RBFOX1: variants seen among roughly 807,000 people sequenced by gnomAD.
RBFOX1 encodes the protein RNA binding fox-1 homolog 1.
A neutral mutation model predicts 57.7 loss-of-function variants in RBFOX1; 8 were observed. That is an observed-to-expected ratio of 0.14 (90% CI 0.08 to 0.25). The LOEUF is 0.25. Ranked by LOEUF, RBFOX1 falls within the 10% of genes least tolerant of loss-of-function variation. The pLI is 1.00. For synonymous variants in RBFOX1, 326 were observed against 222.4 expected (o/e 1.47, Z -4.15); for missense variants, 611 against 548.5 (o/e 1.11, Z -1.14).
At chr16:6,595,383 T>A (rs181637228) in intron 2 of RBFOX1, among the ~76,000 whole-genome samples, 1 of 152,350 alleles carries the variant, frequency 6.6e-6, no homozygotes, top group Admixed American at 6.5e-5. Flanking sequence ...GTACCATGTG[T>A]CAATTTAATT....
intron 3 of RBFOX1, among the ~76,000 whole-genome samples, chr16:6,675,645 G>C (rs1038148706): frequency 6.6e-6 from 1 of 152,128 alleles, no homozygotes; most frequent in Non-Finnish European, 1.5e-5. Context: ...CATGTGACTG[G>C]GGATGCCTCA....
intron 4 of RBFOX1, among the ~76,000 whole-genome samples, chr16:7,357,863 G>A (rs1240634337): frequency 6.6e-6 from 1 of 152,194 alleles, no homozygotes; most frequent in African/African-American, 2.4e-5. Flanking sequence ...ATTCATGGAA[G>A]ATATTTCTTC....
At chr16:6,933,684 C>T (rs1488363369) in intron 3 of RBFOX1, among the ~76,000 whole-genome samples, 2 of 152,212 alleles carry the variant, frequency 1.3e-5, no homozygotes, top group Non-Finnish European at 1.5e-5. Context: ...CTGCACACTC[C>T]AGCCTGGGGG....
At chr16:6,964,280 A>C (rs2083627199) in intron 3 of RBFOX1, among the ~76,000 whole-genome samples, 1 of 152,098 alleles carries the variant, frequency 6.6e-6, no homozygotes, top group African/African-American at 2.4e-5. Context: ...CGACCTCCCA[A>C]AGTGGTGGGA....
At chr16:6,194,035 T>C (rs1010710555) in intron 1 of RBFOX1, among the ~76,000 whole-genome samples, 1 of 152,214 alleles carries the variant, frequency 6.6e-6, no homozygotes. Context: ...CTCATTCCTG[T>C]ATACTAACTG....
chr16:5,257,513 A>G (rs941878703), intron 1 of RBFOX1, among the ~76,000 whole-genome samples: 3 of 152,098 alleles, frequency 2.0e-5, no homozygotes, highest in African/African-American at 7.2e-5. Flanking sequence ...TCTCCAAGAG[A>G]TGAATACGTT....
intron 3 of RBFOX1, among the ~76,000 whole-genome samples, chr16:5,766,084 C>T (rs1180682076): frequency 1.3e-5 from 2 of 152,194 alleles, no homozygotes; most frequent in Non-Finnish European, 2.9e-5. Flanking sequence ...TTCTGTCCTC[C>T]CGACCAAGGA....
At chr16:5,287,717 G>A (rs549046965) in intron 1 of RBFOX1, among the ~76,000 whole-genome samples, 2 of 152,292 alleles carry the variant, frequency 1.3e-5, no homozygotes, top group East Asian at 1.9e-4. Flanking sequence ...GCAGGAGTGA[G>A]CGAGCACAAA....
chr16:6,077,904 G>T (rs983992065), intron 1 of RBFOX1, among the ~76,000 whole-genome samples: 1 of 152,060 alleles, frequency 6.6e-6, no homozygotes, highest in African/African-American at 2.4e-5. Context: ...CCAAGGAGTA[G>T]ACATTGGAAG....
At chr16:7,621,297 A>G (rs11641267) in intron 10 of RBFOX1, among the ~76,000 whole-genome samples, 62,186 of 151,876 alleles carry the variant, frequency 0.41, 15,047 homozygotes, top group Non-Finnish European at 0.53. Context: ...TGGAGTCTCC[A>G]TCACCCAGGC....
chr16:7,234,885 A>G (rs1344129229), intron 4 of RBFOX1, among the ~76,000 whole-genome samples: 1 of 152,118 alleles, frequency 6.6e-6, no homozygotes, highest in African/African-American at 2.4e-5. Flanking sequence ...ATGTCCCATA[A>G]GAATTATTCA....
rs7186001 is a variant in RBFOX1 at position 5,829,967 on chromosome 16, G to T, written c.319-37336G>T. On this transcript the variant is annotated intron_variant, in intron 3 of 19. Coordinates refer to the RBFOX1 transcript ENST00000641259. The stretch of plus-strand genomic sequence containing the variant: ...AGACCCTTAGGAGCAAGGATCTGAG[G>T]CTGTTTTCTTTTTCCTTCCTCTTGC... 4.9e-3 allele frequency among the ~76,000 whole-genome samples: 746 copies of T among 152,224 alleles called. 5 individuals carry two copies. Among genetic ancestry groups the T allele is most frequent in the African/African-American group, 0.017 (705 of 41,534 alleles).
At chr16:7,029,804 C>T (rs1182843254) in intron 3 of RBFOX1, among the ~76,000 whole-genome samples, 1 of 152,082 alleles carries the variant, frequency 6.6e-6, no homozygotes, top group Non-Finnish European at 1.5e-5. Flanking sequence ...TGAATCTGGA[C>T]ATTATGAAAA....
At chr16:6,200,653 A>G (rs2152828804) in intron 1 of RBFOX1, among the ~76,000 whole-genome samples, 1 of 152,332 alleles carries the variant, frequency 6.6e-6, no homozygotes, top group Non-Finnish European at 1.5e-5. Context: ...AAATACATAA[A>G]TACTACAGGA....
Position 6,117,661 on chromosome 16 carries a change from C to T in RBFOX1, c.-127+97669C>T, listed in dbSNP as rs76867511. Among the ~76,000 whole-genome samples, 88 of 152,378 alleles carry T rather than the reference C, an allele frequency of 5.8e-4. 3 individuals carry two copies. In the East Asian group the frequency reaches 0.016, roughly 27 times the overall value. On this transcript the variant is annotated intron_variant, in intron 1 of 15. Coordinates refer to ENST00000550418, the MANE Select transcript of RBFOX1 (RefSeq NM_018723.4). ...TTCACTCAACAACTGAGCCTGCTGG[C>T]ACCTAGGTCTTGAACTTCCCAGCCT...
intron 2 of RBFOX1, among the ~76,000 whole-genome samples, chr16:5,540,591 G>A (rs1403084202): frequency 6.6e-6 from 1 of 152,168 alleles, no homozygotes; most frequent in Non-Finnish European, 1.5e-5. Context: ...CTCAAATTGT[G>A]GCTCATGAAC....
chr16:5,388,807 C>T (rs1021022706), intron 1 of RBFOX1, among the ~76,000 whole-genome samples: 3 of 151,872 alleles, frequency 2.0e-5, no homozygotes, highest in African/African-American at 7.2e-5. Context: ...GAGCTCCTGA[C>T]CTCAGATGAT....
chr16:7,576,556 A>G (rs1371844279), intron 5 of RBFOX1, among the ~76,000 whole-genome samples: 1 of 152,214 alleles, frequency 6.6e-6, no homozygotes, highest in Non-Finnish European at 1.5e-5. Context: ...AACAGTTTAT[A>G]CGCATTTGTA....
intron 1 of RBFOX1, among the ~76,000 whole-genome samples, chr16:6,236,125 C>G (rs939853908): frequency 6.6e-6 from 1 of 152,182 alleles, no homozygotes; most frequent in South Asian, 2.1e-4. Context: ...TGCTTAAAAG[C>G]AAAACATATT....
Sources: allele counts gnomAD v4.1 joint callset (sites outside exome capture counted in the v4.1 genomes callset), GRCh38; gene constraint gnomAD v4.1.1; transcripts MANE v1.5; gene names NCBI Gene and HGNC (gene_info 2026-07-23, HGNC 2026-07-21).